Variants in NTM observed in about 807,000 individuals in gnomAD.
The protein encoded by NTM is neurotrimin, also known as IgLON family member 2.
NTM carries 13 observed loss-of-function variants against 42.1 expected under a neutral mutation model. The observed-to-expected ratio is 0.31, with a 90% CI of 0.20 to 0.49. The LOEUF is 0.49. Among genes scored for constraint, NTM ranks in the 20% least tolerant of loss-of-function variants. The pLI is 0.99. For missense variants in NTM, 373 were observed against 452.8 expected, an observed-to-expected ratio of 0.82 and a Z score of 1.60; for synonymous variants, 187 against 179.2, an observed-to-expected ratio of 1.04 and a Z score of -0.35.
At chr11:131,619,783 G>T (rs2062332185) in intron 1 of NTM, among the ~76,000 whole-genome samples, 1 of 151,726 alleles carries the variant, frequency 6.6e-6, no homozygotes, top group Non-Finnish European at 1.5e-5. Context: ...AGCAAATAAG[G>T]ATATGGGGGT....
At chr11:132,218,985 TATTA>T in intron 4 of NTM, among the ~76,000 whole-genome samples, 1 of 152,188 alleles carries the variant, frequency 6.6e-6, no homozygotes, top group African/African-American at 2.4e-5. Flanking sequence ...TGTGCTTCTT[TATTA>T]ATTTCATTCT....
At chr11:131,745,301 G>A (rs1446987805) in intron 1 of NTM, among the ~76,000 whole-genome samples, 1 of 152,214 alleles carries the variant, frequency 6.6e-6, no homozygotes, top group African/African-American at 2.4e-5. Context: ...CAGGGAGGCT[G>A]AGCCGGGACA....
intron 1 of NTM, among the ~76,000 whole-genome samples, chr11:131,409,915 C>G (rs952934843): frequency 6.6e-6 from 1 of 152,144 alleles, no homozygotes; most frequent in Non-Finnish European, 1.5e-5. Context: ...TTAGCAGCAG[C>G]CTCCCATGGC....
chr11:131,883,921 A>G (rs1305326881), intron 1 of NTM, among the ~76,000 whole-genome samples: 1 of 152,188 alleles, frequency 6.6e-6, no homozygotes, highest in African/African-American at 2.4e-5. Flanking sequence ...TTCTTTTATT[A>G]AAGGGATGCA....
rs146071049 is a variant in NTM at position 132,167,829 on chromosome 11, C to T, written c.400+21315C>T. Among the ~76,000 whole-genome samples, 13 of 152,254 alleles carry T rather than the reference C, an allele frequency of 8.5e-5. No individual in the cohort carries two copies. In the East Asian group the frequency reaches 2.1e-3, roughly 25 times the overall value. On this transcript the variant is annotated intron_variant, in intron 3 of 8. Transcript: ENST00000683400. ...GTCTAACAACTATTCTTCCCCCTAG[C>T]CAAATACGAATCTGAAACAAACTAT...
chr11:132,230,217 G>C (rs1281651840), intron 4 of NTM, among the ~76,000 whole-genome samples: 1 of 152,206 alleles, frequency 6.6e-6, no homozygotes, highest in Non-Finnish European at 1.5e-5. Context: ...GTGGGGAACA[G>C]CAAAGCTAAT....
intron 4 of NTM, among the ~76,000 whole-genome samples, chr11:132,217,412 G>GGTGTGT (rs149092527): frequency 1.3e-5 from 2 of 148,798 alleles, no homozygotes; most frequent in South Asian, 4.3e-4. Context: ...GTATGTGTGG[G>GGTGTGT]GTGTGTGTGT....
intron 1 of NTM, among the ~76,000 whole-genome samples, chr11:131,677,181 T>C (rs181251322): frequency 6.6e-6 from 1 of 152,250 alleles, no homozygotes; most frequent in African/African-American, 2.4e-5. Context: ...GCACAACTTA[T>C]GTGGGAGGCA....
chr11:132,102,299 G>A (rs1235496830), intron 2 of NTM, among the ~76,000 whole-genome samples: 3 of 152,104 alleles, frequency 2.0e-5, no homozygotes, highest in South Asian at 2.1e-4. Flanking sequence ...AGGGGACAGG[G>A]GCTACGTGGT....
At chr11:131,372,427 A>C (rs1460233548) in intron 1 of NTM, among the ~76,000 whole-genome samples, 1 of 152,040 alleles carries the variant, frequency 6.6e-6, no homozygotes, top group Non-Finnish European at 1.5e-5. Context: ...CCTCTTATAT[A>C]ATATGAAGCA....
At chr11:131,593,509 C>G (rs902831758) in intron 1 of NTM, among the ~76,000 whole-genome samples, 1 of 152,274 alleles carries the variant, frequency 6.6e-6, no homozygotes, top group South Asian at 2.1e-4. Flanking sequence ...AGTGTAAAGG[C>G]TCCCCTGCCC....
chr11:131,948,641 TG>T (rs1245558443), intron 2 of NTM, among the ~76,000 whole-genome samples: 1 of 152,168 alleles, frequency 6.6e-6, no homozygotes, highest in Non-Finnish European at 1.5e-5. Flanking sequence ...TCTCTCTGCC[TG>T]GAAAGGCCAT....
At chr11:131,373,676 G>A (rs1591489916) in intron 1 of NTM, among the ~76,000 whole-genome samples, 1 of 152,090 alleles carries the variant, frequency 6.6e-6, no homozygotes, top group Admixed American at 6.6e-5. Context: ...GCCACTGAGA[G>A]CCTCTGAAAG....
intron 1 of NTM, among the ~76,000 whole-genome samples, chr11:131,817,511 CAG>C (rs897584813): frequency 3.3e-5 from 5 of 152,306 alleles, no homozygotes; most frequent in African/African-American, 1.2e-4. Context: ...CTGGGCACCT[CAG>C]GGGCTCCTCT....
intron 1 of NTM, among the ~76,000 whole-genome samples, chr11:131,486,671 GATTAT>G (rs1171450330): frequency 6.6e-6 from 1 of 152,168 alleles, no homozygotes; most frequent in African/African-American, 2.4e-5. Flanking sequence ...TAAGACACTG[GATTAT>G]CTCATGGTCA....
At chr11:132,128,211 A>T (rs570829510) in intron 2 of NTM, among the ~76,000 whole-genome samples, 4 of 149,590 alleles carry the variant, frequency 2.7e-5, no homozygotes, top group Admixed American at 2.0e-4. Context: ...AAGTATATGA[A>T]TCCAATTAAA....
chr11:131,873,648 TACACACATATATATAC>T (rs2048114754), intron 1 of NTM, among the ~76,000 whole-genome samples: 5 of 121,548 alleles, frequency 4.1e-5, no homozygotes, highest in African/African-American at 1.7e-4. Context: ...CATATATATA[TACACACATATATATAC>T]ACATATATAT....
At chr11:132,254,618 C>A (rs1275983870) in intron 4 of NTM, among the ~76,000 whole-genome samples, 3 of 152,090 alleles carry the variant, frequency 2.0e-5, no homozygotes, top group Admixed American at 6.5e-5. Context: ...TATTTTTCTT[C>A]TCCAATGTGA....
chr11:131,911,354 C>T (rs2054917564), intron 1 of NTM: 9 of 1,525,526 alleles, frequency 5.9e-6, no homozygotes, highest in Admixed American at 4.1e-5. Context: ...CCTCCCCGCG[C>T]CTCCCGGTCG....
Sources: gnomAD v4.1 joint callset for allele counts (sites outside exome capture counted in the v4.1 genomes callset) on GRCh38, gnomAD v4.1.1 for gene constraint, MANE v1.5 for transcripts, NCBI Gene and HGNC (gene_info 2026-07-23, HGNC 2026-07-21) for gene names.